Variants in DNAH11 observed in about 807,000 individuals in gnomAD.
DNAH11 encodes dynein axonemal heavy chain 11.
A neutral mutation model predicts 526.0 loss-of-function variants in DNAH11; 442 were observed. The ratio of observed to expected loss-of-function variants is 0.84; its 90% CI spans 0.78 to 0.91. The LOEUF (loss-of-function observed/expected upper bound fraction) is 0.91. Ranked by LOEUF, DNAH11 falls within the 40% of genes least tolerant of loss-of-function variation. The probability of loss-of-function intolerance (pLI) is 0.00; values close to 1 mark genes in which losing one functional copy is unlikely to be tolerated. For missense variants in DNAH11, 6,989 were observed against 5,448.7 expected (o/e 1.28, Z -8.90); for synonymous variants, 2,461 against 1,935.9 (o/e 1.27, Z -7.12).
In DNAH11 at chr7:21,636,053, G is replaced by C; in HGVS notation, c.4683G>C (p.Val1561=). The C allele has an allele frequency of 6.2e-7, 1 of 1,613,478 alleles. No individual in the cohort carries two copies. Among genetic ancestry groups the C allele is most frequent in the Non-Finnish European group, 8.5e-7 (1 of 1,179,634 alleles). ...VCSEDIRIQL[V]KDARRFDGVD... ...CAGAAGATATTCGAATCCAGCTTGT[G>C]AAAGATGCTAGAAGATTTGATGGGG... Residue 1561 remains valine (V), a synonymous_variant, in exon 26 of 82, where the codon GTG becomes GTC. Transcript: ENST00000409508.
intron 61 of DNAH11, among the ~76,000 whole-genome samples, chr7:21,796,905 TA>T (rs976997487): frequency 3.3e-5 from 5 of 152,048 alleles, no homozygotes; most frequent in African/African-American, 4.8e-5. Context: ...TTTTTTATTT[TA>T]TTTTTTTTAC....
In DNAH11 at chr7:21,839,218, A is replaced by G. The variant is rs555530535; in HGVS notation, c.10692-3326A>G. ...TTGATCATTGTTTGCCTATCAAATT[A>G]TAGAAACATGACTGAATACATATTT... is the stretch of plus-strand genomic sequence containing the variant. On this transcript the variant is annotated intron_variant, in intron 65 of 81. Transcript: ENST00000409508. 5.3e-5 allele frequency among the ~76,000 whole-genome samples: 8 copies of G among 152,308 alleles called. No homozygotes were observed. In the South Asian group the frequency reaches 1.7e-3, roughly 32 times the overall value.
At chr7:21,859,185 C>T (rs1457864881) in intron 68 of DNAH11, among the ~76,000 whole-genome samples, 1 of 152,080 alleles carries the variant, frequency 6.6e-6, no homozygotes, top group African/African-American at 2.4e-5. Flanking sequence ...GCAATCTCGG[C>T]TCACTGCAAT....
At chr7:21,836,124 T>C (rs146642189) in intron 65 of DNAH11, among the ~76,000 whole-genome samples, 8 of 152,210 alleles carry the variant, frequency 5.3e-5, no homozygotes, top group Non-Finnish European at 1.2e-4. Context: ...TGGAAAGATA[T>C]TTCCTGTTCA....
chr7:21,707,663 TA>T, intron 39 of DNAH11, 35 bp from the exon 40 acceptor site: 1 of 1,599,460 alleles, frequency 6.3e-7, no homozygotes, highest in Non-Finnish European at 8.5e-7. Flanking sequence ...CTTATGTTAG[TA>T]TTAATTTTTT....
chr7:21,628,073 A>C (rs919583320), intron 25 of DNAH11, among the ~76,000 whole-genome samples: 35 of 151,542 alleles, frequency 2.3e-4, no homozygotes, highest in Admixed American at 5.3e-4. Context: ...TGCCTTCTTG[A>C]TTTCTTTTTT....
intron 25 of DNAH11, among the ~76,000 whole-genome samples, chr7:21,635,416 A>G (rs562746960): frequency 4.4e-4 from 67 of 152,288 alleles, no homozygotes; most frequent in Admixed American, 1.3e-3. Context: ...TCGGCCTCCC[A>G]AAGTGCTGGG....
chr7:21,861,373 C>T (rs1486835323), intron 68 of DNAH11, among the ~76,000 whole-genome samples: 2 of 152,162 alleles, frequency 1.3e-5, no homozygotes, highest in Non-Finnish European at 2.9e-5. Context: ...GCAAGTAAAA[C>T]CTACTCCCCC....
At chr7:21,767,098 T>C (rs1271260846) in intron 55 of DNAH11, among the ~76,000 whole-genome samples, 1 of 152,184 alleles carries the variant, frequency 6.6e-6, no homozygotes, top group Non-Finnish European at 1.5e-5. Flanking sequence ...TCGTATGTGA[T>C]TGCCAGGTCT....
intron 25 of DNAH11, among the ~76,000 whole-genome samples, chr7:21,621,165 A>G (rs1786034661): frequency 1.3e-5 from 2 of 152,086 alleles, no homozygotes; most frequent in South Asian, 4.1e-4. Context: ...AGTTGAATAC[A>G]AACTACCATC....
Position 21,559,739 on chromosome 7 carries a change from G to C in DNAH11, c.829G>C (p.Glu277Gln). Residue 277 changes from glutamate to glutamine, a missense_variant, in exon 4 of 82, where the codon GAA (glutamate) becomes CAA (glutamine). Transcript: ENST00000409508. ...LNGLHLSPQA[E>Q]LDFWMMRREN... is the part of the protein sequence containing the mutation. ...TGGTCTTCACTTGTCTCCTCAAGCA[G>C]AACTAGATTTCTGGATGATGAGGAG... 4 of 1,608,836 alleles carry C rather than the reference G, an allele frequency of 2.5e-6. No homozygotes were observed. The highest frequency in any genetic ancestry group is 3.4e-6 in the Non-Finnish European group (4 of 1,177,348).
At position 21,683,766 on chromosome 7, in the gene DNAH11, A is replaced by G. The variant is rs777196411; in HGVS notation, c.5461-18A>G. The G allele has an allele frequency of 2.5e-6, 4 of 1,572,492 alleles. No homozygotes were observed. ...AACTACCAGTGTCCTGCGTATGATG[A>G]TTATGCAATGCCTTTAGGTTGTCAG... On this transcript the variant is annotated intron_variant, in intron 31 of 81. Coordinates refer to ENST00000409508, the MANE Select transcript of DNAH11 (RefSeq NM_001277115.2).
chr7:21,622,148 A>T (rs1302454659), intron 25 of DNAH11, among the ~76,000 whole-genome samples: 3 of 152,180 alleles, frequency 2.0e-5, no homozygotes, highest in African/African-American at 4.8e-5. Flanking sequence ...AACGTACAAA[A>T]ATCACAAGCA....
intron 30 of DNAH11, among the ~76,000 whole-genome samples, chr7:21,673,628 C>G (rs1440439508): frequency 6.6e-6 from 1 of 152,140 alleles, no homozygotes; most frequent in Non-Finnish European, 1.5e-5. Context: ...CCTGTTTCTT[C>G]GGTTTCTCGC....
intron 43 of DNAH11, among the ~76,000 whole-genome samples, chr7:21,720,370 G>C (rs1172618309): frequency 6.6e-6 from 1 of 151,660 alleles, no homozygotes; most frequent in Non-Finnish European, 1.5e-5. Context: ...CAAGGAAGTG[G>C]ATTATAGAAT....
At chr7:21,650,407 A>G (rs531788893) in intron 28 of DNAH11, among the ~76,000 whole-genome samples, 2 of 152,080 alleles carry the variant, frequency 1.3e-5, no homozygotes, top group Non-Finnish European at 2.9e-5. Context: ...AGTTTTTTAA[A>G]TGTGTCTGTG....
chr7:21,607,655 G>A (rs1417343769), intron 20 of DNAH11, among the ~76,000 whole-genome samples: 6 of 151,798 alleles, frequency 4.0e-5, no homozygotes, highest in Non-Finnish European at 5.9e-5. Flanking sequence ...GCTTGTGGCC[G>A]GGTACGGTGG....
chr7:21,715,720 G>T (rs1310840028), intron 42 of DNAH11, among the ~76,000 whole-genome samples: 1 of 151,814 alleles, frequency 6.6e-6, no homozygotes, highest in African/African-American at 2.4e-5. Context: ...GTCTTTTAAT[G>T]TCTATTCCTA....
chr7:21,569,172 A>G (rs1460888478), intron 6 of DNAH11, among the ~76,000 whole-genome samples: 1 of 152,192 alleles, frequency 6.6e-6, no homozygotes, highest in Non-Finnish European at 1.5e-5. Flanking sequence ...ACATTTAGGG[A>G]AGAAGTGCTT....
Sources: gnomAD v4.1 joint callset for allele counts (sites outside exome capture counted in the v4.1 genomes callset) on GRCh38, gnomAD v4.1.1 for gene constraint, MANE v1.5 for transcripts, NCBI Gene and HGNC (gene_info 2026-07-23, HGNC 2026-07-21) for gene names.